The following DMD variants were observed in gnomAD, a reference collection of about 807,000 sequenced individuals.
DMD encodes the protein mutant dystrophin.
A neutral mutation model predicts 330.1 loss-of-function variants in DMD; 63 were observed. The observed-to-expected ratio is 0.19, with a 90% CI of 0.16 to 0.24. The LOEUF (loss-of-function observed/expected upper bound fraction) is 0.24. Among genes scored for constraint, DMD ranks in the 10% least tolerant of loss-of-function variants. DMD has a pLI of 1.00. For synonymous variants in DMD, 1,223 were observed against 959.8 expected (o/e 1.27, Z -5.07); for missense variants, 3,344 against 2,684.1 (o/e 1.25, Z -5.43).
At chrX:32,734,090 T>G (rs373220695) in intron 7 of DMD, among the ~76,000 whole-genome samples, 1 of 106,498 alleles carries the variant, frequency 9.4e-6, no homozygotes, top group African/African-American at 3.5e-5. Context: ...ATATCACCAC[T>G]GATCCCACAG....
chrX:32,559,682 C>T (rs1299807311), intron 16 of DMD, among the ~76,000 whole-genome samples: 1 of 111,572 alleles, frequency 9.0e-6, no homozygotes, highest in East Asian at 2.8e-4. Context: ...AAAAGAAGAA[C>T]ATGTAAAGAA....
rs2084091004 is a variant in DMD at position 32,882,824 on chromosome X, C to A, written c.94-33004G>T. Among the ~76,000 whole-genome samples, 2 of 112,197 alleles carry A rather than the reference C, an allele frequency of 1.8e-5. 1 individual carries two copies. The highest frequency in any genetic ancestry group is 7.4e-4 in the South Asian group (2 of 2,714). On this transcript the variant is annotated intron_variant, in intron 2 of 78. Transcript: ENST00000357033. ...AAATTGCTATACCATCCATACTATACACATAATATGGATTAGATTTTAAAT... is the reference window on the plus strand; with the variant it reads ...AAATTGCTATACCATCCATACTATAAACATAATATGGATTAGATTTTAAAT...
intron 43 of DMD, among the ~76,000 whole-genome samples, chrX:32,236,081 T>C (rs1047497186): frequency 5.4e-5 from 6 of 112,078 alleles, no homozygotes; most frequent in African/African-American, 1.3e-4. Context: ...TTTGAGGTGA[T>C]AGGATTTCCT....
intron 1 of DMD, among the ~76,000 whole-genome samples, chrX:33,105,309 T>C (rs964539566): frequency 3.6e-5 from 4 of 111,645 alleles, no homozygotes; most frequent in Admixed American, 9.6e-5. Flanking sequence ...GTCTAAGACC[T>C]GAAACCATAA....
chrX:31,773,677 G>T (rs953638448), intron 51 of DMD, among the ~76,000 whole-genome samples: 1 of 103,817 alleles, frequency 9.6e-6, no homozygotes, highest in Non-Finnish European at 2.0e-5. Flanking sequence ...AAAATACCAG[G>T]TTGTTTAGTA....
At chrX:31,839,137 T>C (rs987668661) in intron 48 of DMD, among the ~76,000 whole-genome samples, 12 of 111,830 alleles carry the variant, frequency 1.1e-4, no homozygotes, top group African/African-American at 3.9e-4. Context: ...TGAAAAATGA[T>C]AGCAAAGACC....
Position 32,827,056 on chromosome X carries a change from A to ACCC in DMD, c.265-3672_265-3670dup, listed in dbSNP as rs1174768674. ...AATAAGTCATTGGAACACACATCGC[A>ACCC]CCCCCCCCCCACACACACACACACA... is the stretch of plus-strand genomic sequence containing the variant. On this transcript the variant is annotated intron_variant, in intron 4 of 78. Transcript: ENST00000357033. 2.4e-3 allele frequency among the ~76,000 whole-genome samples: 146 copies of ACCC among 59,819 alleles called. 9 individuals carry two copies. Among genetic ancestry groups the ACCC allele is most frequent in the African/African-American group, 9.8e-3 (122 of 12,471 alleles). 51.9% of individuals were successfully genotyped at this position (59,819 alleles called of 115,157 possible).
rs1411021530 is a variant in DMD at position 33,248,310 on chromosome X, G to A, written c.7+90949C>T. 2.7e-5 allele frequency among the ~76,000 whole-genome samples: 3 copies of A among 111,656 alleles called. No homozygotes were observed. In the East Asian group the frequency reaches 8.4e-4, roughly 31 times the overall value. On this transcript the variant is annotated intron_variant, in intron 1 of 17. Transcript: ENST00000288447. ...CCCACCTCAGCCTCCCAAAGTGCTG[G>A]GATTACAGGCGTGAGCCACTGCGCC...
intron 48 of DMD, among the ~76,000 whole-genome samples, chrX:31,855,796 A>G (rs2952921): frequency 0.48 from 52,463 of 109,996 alleles, 9,279 homozygotes; most frequent in African/African-American, 0.59. Context: ...ATGTACAGGA[A>G]ACAGCAAATA....
chrX:32,788,842 T>C (rs2075610272), intron 7 of DMD, among the ~76,000 whole-genome samples: 1 of 112,288 alleles, frequency 8.9e-6, no homozygotes, highest in African/African-American at 3.2e-5. Context: ...AGCCCTTAGT[T>C]ATTATTAAAA....
At chrX:32,482,169 AT>A (rs1176532751) in intron 21 of DMD, among the ~76,000 whole-genome samples, 1 of 111,523 alleles carries the variant, frequency 9.0e-6, no homozygotes, top group Non-Finnish European at 1.9e-5. Context: ...ATAAGGTTTC[AT>A]TTTTTTCTTT....
At chrX:33,139,615 G>A (rs1194588359) in intron 1 of DMD, among the ~76,000 whole-genome samples, 1 of 109,500 alleles carries the variant, frequency 9.1e-6, no homozygotes, top group Non-Finnish European at 1.9e-5. Context: ...AGATACGGTT[G>A]CTTAAAAGTG....
chrX:32,898,473 G>A (rs1047964781), intron 2 of DMD, among the ~76,000 whole-genome samples: 1 of 112,157 alleles, frequency 8.9e-6, no homozygotes, highest in Non-Finnish European at 1.9e-5. Context: ...ACATTACTGC[G>A]CTTTGTGAAA....
At position 32,019,249 on chromosome X, in the gene DMD, C is replaced by A. The variant is rs775558268; in HGVS notation, c.6439-50735G>T. ...TGTTCCCTTTGACAAAAAGAGAAAA[C>A]TACTTGTCTGGGCTCACTAGATTAC... On this transcript the variant is annotated intron_variant, in intron 44 of 78. Coordinates refer to ENST00000357033, the MANE Select transcript of DMD (RefSeq NM_004006.3). Among the ~76,000 whole-genome samples, 12 of 110,522 alleles carry A rather than the reference C, an allele frequency of 1.1e-4. No individual in the cohort carries two copies. The East Asian group carries it at 3.4e-3, about 31-fold the overall frequency.
intron 60 of DMD, among the ~76,000 whole-genome samples, chrX:31,433,384 A>G (rs888679829): frequency 9.0e-6 from 1 of 111,324 alleles, no homozygotes; most frequent in Non-Finnish European, 1.9e-5. Context: ...TTTGGTAGAA[A>G]AATTTATATT....
rs72468613 is a variant in DMD at position 32,310,171 on chromosome X, C to A, written c.6028G>T (p.Ala2010Ser). The change falls in exon 42 of 79, where the codon GCC (alanine) becomes TCC (serine). Residue 2010 changes from alanine (A) to serine (S), a missense_variant. By Grantham distance (99) the Ala-to-Ser change is moderately conservative. Transcript: ENST00000357033. ...AGAAGTTGTTCCACTTCTAATAGGG[C>A]TTGTGAGACATGAGTGATTTCAGTC... ...YLTEITHVSQ[A>S]LLEVEQLLNA... 2.5e-6 allele frequency: 3 copies of A among 1,207,086 alleles called. No individual in the cohort carries two copies. Among genetic ancestry groups the A allele is most frequent in the Admixed American group, 4.4e-5 (2 of 45,604 alleles).
chrX:32,587,980 A>T (rs1196180689), intron 13 of DMD, among the ~76,000 whole-genome samples: 1 of 111,654 alleles, frequency 9.0e-6, no homozygotes, highest in Non-Finnish European at 1.9e-5. Context: ...GCCCAAAGGT[A>T]TACTGTAGAT....
intron 1 of DMD, among the ~76,000 whole-genome samples, chrX:33,156,450 T>C (rs1462323613): frequency 9.0e-6 from 1 of 111,670 alleles, no homozygotes; most frequent in Non-Finnish European, 1.9e-5. Flanking sequence ...TAAAATAGAG[T>C]CTCTGTCTTC....
chrX:32,123,454 G>T (rs995849984), intron 44 of DMD, among the ~76,000 whole-genome samples: 7 of 106,935 alleles, frequency 6.5e-5, no homozygotes, highest in African/African-American at 2.4e-4. Flanking sequence ...ATGCTGATCT[G>T]GGACCCACAC....
Sources: gnomAD v4.1 joint callset for allele counts (sites outside exome capture counted in the v4.1 genomes callset) on GRCh38, gnomAD v4.1.1 for gene constraint, MANE v1.5 for transcripts, NCBI Gene and HGNC (gene_info 2026-07-23, HGNC 2026-07-21) for gene names.